SMPDL3A: variants seen among roughly 807,000 people sequenced by gnomAD.
SMPDL3A encodes the protein sphingomyelin phosphodiesterase acid like 3A.
A neutral mutation model predicts 38.5 loss-of-function variants in SMPDL3A; 39 were observed. The ratio of observed to expected loss-of-function variants is 1.01; its 90% confidence interval spans 0.78 to 1.32. SMPDL3A has a LOEUF of 1.32. Among genes scored for constraint, SMPDL3A ranks in the 40% most tolerant of loss-of-function variants. SMPDL3A has a pLI of 0.00. For synonymous variants in SMPDL3A, 180 were observed against 194.3 expected (o/e 0.93, Z 0.61); for missense variants, 502 against 536.2 (o/e 0.94, Z 0.63).
At chr6:122,797,152 T>G (rs1410999727) in intron 3 of SMPDL3A, 184 bp downstream of exon 3, 1 of 458,240 alleles carries the variant, frequency 2.2e-6, no homozygotes, top group African/African-American at 2.0e-5. Flanking sequence ...AGTAATCTTT[T>G]AATACTTCAT....
chr6:122,789,729 T>C (rs1008397362), intron 1 of SMPDL3A: 1 of 726,108 alleles, frequency 1.4e-6, no homozygotes, highest in Middle Eastern at 6.6e-4. Context: ...GTCGGCCGGA[T>C]TTCGCCAGCC....
Position 122,807,091 on chromosome 6 carries a change from G to C in SMPDL3A, c.1044+734G>C, listed in dbSNP as rs907169410. On this transcript the variant is annotated intron_variant, in intron 7 of 7. Coordinates refer to ENST00000368440, the MANE Select transcript of SMPDL3A (RefSeq NM_006714.5). ...ATCCTATTGTAGAGATGGGGGGGGG[G>C]GGTCTCCCTATGTTGCCCAGGCTGG... Among the ~76,000 whole-genome samples, 304 of 145,538 alleles carry C rather than the reference G, an allele frequency of 2.1e-3. 1 individual carries two copies. Among genetic ancestry groups the C allele is most frequent in the African/African-American group, 7.1e-3 (287 of 40,172 alleles).
In SMPDL3A at chr6:122,805,103, G is replaced by A. The variant is rs59657275; in HGVS notation, c.919+14G>A. On this transcript the variant is annotated intron_variant, in intron 6 of 7. Coordinates refer to ENST00000368440, the MANE Select transcript of SMPDL3A (RefSeq NM_006714.5). Reference sequence around the variant, plus strand: ...CAGATAAAAAAGGTAATGTAATGCTGTGTTTGCATCTCCCCAGTCTAAGAG... The same window carrying A: ...CAGATAAAAAAGGTAATGTAATGCTATGTTTGCATCTCCCCAGTCTAAGAG... 939 of 1,583,458 alleles carry A rather than the reference G, an allele frequency of 5.9e-4. 3 individuals carry two copies. The African/African-American group carries it at 0.011, about 19-fold the overall frequency.
chr6:122,789,693 C>A, intron 1 of SMPDL3A: 1 of 433,816 alleles, frequency 2.3e-6, no homozygotes, highest in Non-Finnish European at 3.1e-6. Flanking sequence ...GAAATGCCCT[C>A]GCCGGTGGGG....
At chr6:122,792,638 CTTTT>C (rs368762743) in intron 1 of SMPDL3A, among the ~76,000 whole-genome samples, 1 of 140,786 alleles carries the variant, frequency 7.1e-6, no homozygotes, top group African/African-American at 2.6e-5. Context: ...TCTTCTTCCC[CTTTT>C]TTTTTTTTTT....
In SMPDL3A at chr6:122,801,342, C is replaced by T. The variant is rs751222400; in HGVS notation, c.504C>T (p.Tyr168=). 1 of 1,613,404 alleles carries T rather than the reference C, an allele frequency of 6.2e-7. No homozygotes were observed. The highest frequency in any genetic ancestry group is 1.1e-5 in the South Asian group (1 of 91,066). The part of the protein sequence containing the change: ...DQLPVVTSKV[Y]NAVANLWKPW... The stretch of plus-strand genomic sequence containing the variant: ...TGCCTGTAGTCACCAGTAAAGTGTA[C>T]AATGCAGTAGCAAACCTCTGGAAAC... Residue 168 remains tyrosine, a synonymous_variant, in exon 4 of 8, where the codon TAC becomes TAT. Coordinates refer to ENST00000368440, the MANE Select transcript of SMPDL3A (RefSeq NM_006714.5).
intron 3 of SMPDL3A, among the ~76,000 whole-genome samples, chr6:122,799,368 G>A (rs1283795821): frequency 2.6e-5 from 4 of 152,152 alleles, no homozygotes; most frequent in Non-Finnish European, 5.9e-5. Context: ...AGTAATCATG[G>A]GATTTAGACC....
At chr6:122,792,660 C>G (rs902434927) in intron 1 of SMPDL3A, among the ~76,000 whole-genome samples, 30 of 140,596 alleles carry the variant, frequency 2.1e-4, no homozygotes, top group African/African-American at 7.6e-4. Context: ...TTTTTAGAGA[C>G]AGGGTCTCTG....
At chr6:122,791,421 T>C (rs993415828) in intron 1 of SMPDL3A, among the ~76,000 whole-genome samples, 2 of 152,218 alleles carry the variant, frequency 1.3e-5, no homozygotes, top group Middle Eastern at 3.2e-3. Flanking sequence ...ACTGAAAACC[T>C]AACTTAAGAG....
At position 122,806,213 on chromosome 6, in the gene SMPDL3A, T is replaced by C. The variant is rs1479387382; in HGVS notation, c.920-20T>C. ...ACTCTTATTTAAAAATGTATGTTTA[T>C]GTGCATACGTTTTGTTCAGGAAGTC... On this transcript the variant is annotated intron_variant, in intron 6 of 7. Coordinates refer to ENST00000368440, the MANE Select transcript of SMPDL3A (RefSeq NM_006714.5). 5.0e-6 allele frequency: 8 copies of C among 1,600,188 alleles called. No individual in the cohort carries two copies. The Admixed American group carries it at 1.0e-4, about 20-fold the overall frequency.
chr6:122,805,655 C>T (rs891986503), intron 6 of SMPDL3A, among the ~76,000 whole-genome samples: 5 of 152,216 alleles, frequency 3.3e-5, no homozygotes, highest in South Asian at 2.1e-4. Flanking sequence ...GACGGAGCCT[C>T]GCTCTGTTGC....
intron 2 of SMPDL3A, 146 bp downstream of exon 2, chr6:122,796,036 T>G: frequency 1.5e-6 from 1 of 646,078 alleles, no homozygotes; most frequent in African/African-American, 1.8e-5. Context: ...CTAATCAACA[T>G]TATTAGAGGT....
At position 122,809,125 on chromosome 6, in the gene SMPDL3A, C is replaced by T. The variant is rs1260997856; in HGVS notation, c.1079C>T (p.Ala360Val). ...MLQYYLNLTE[A>V]NLKGESIWKL... is the part of the protein sequence containing the mutation. ...CAGTATTACTTGAATCTGACAGAGGCGAATCTAAAGGGAGAGTCCATCTGG... is the reference window on the plus strand; with the variant it reads ...CAGTATTACTTGAATCTGACAGAGGTGAATCTAAAGGGAGAGTCCATCTGG... The change falls in exon 8 of 8, where the codon GCG becomes GTG. Residue 360 changes from alanine (A) to valine (V), a missense_variant. Coordinates refer to ENST00000368440, the MANE Select transcript of SMPDL3A (RefSeq NM_006714.5). 1.2e-5 allele frequency: 19 copies of T among 1,613,970 alleles called. No homozygotes were observed. The highest frequency in any genetic ancestry group is 4.5e-5 in the East Asian group (2 of 44,878).
intron 1 of SMPDL3A, among the ~76,000 whole-genome samples, chr6:122,791,975 G>A (rs1350072064): frequency 6.6e-6 from 1 of 152,210 alleles, no homozygotes; most frequent in Middle Eastern, 3.2e-3. Flanking sequence ...TTACAGGCAT[G>A]AGCCACCGCG....
At chr6:122,794,336 G>T (rs986143338) in intron 1 of SMPDL3A, among the ~76,000 whole-genome samples, 1 of 151,994 alleles carries the variant, frequency 6.6e-6, no homozygotes, top group Non-Finnish European at 1.5e-5. Context: ...GGTGGCTCAC[G>T]CCTGTAATCC....
chr6:122,789,953 C>A, intron 1 of SMPDL3A: 7 of 862,584 alleles, frequency 8.1e-6, no homozygotes, highest in Non-Finnish European at 9.7e-6. Context: ...CTTGCTCGAC[C>A]GAGATCAGTG....
chr6:122,799,126 A>T (rs1781343758), intron 3 of SMPDL3A, among the ~76,000 whole-genome samples: 3 of 152,196 alleles, frequency 2.0e-5, no homozygotes, highest in Admixed American at 2.0e-4. Context: ...ACATATACAG[A>T]TGCATGTCCC....
chr6:122,795,374 C>T (rs1781210038), intron 1 of SMPDL3A, among the ~76,000 whole-genome samples: 1 of 152,096 alleles, frequency 6.6e-6, no homozygotes, highest in African/African-American at 2.4e-5. Context: ...AACTCCTGAC[C>T]TCAAGGGATC....
intron 6 of SMPDL3A, 50 bp from the exon 7 acceptor site, chr6:122,806,183 G>T: frequency 1.3e-6 from 2 of 1,512,216 alleles, no homozygotes; most frequent in Non-Finnish European, 1.8e-6. Context: ...TTTTAATATA[G>T]TTAAACTCTT....
Sources: gnomAD v4.1 joint callset for allele counts (sites outside exome capture counted in the v4.1 genomes callset) on GRCh38, gnomAD v4.1.1 for gene constraint, MANE v1.5 for transcripts, NCBI Gene and HGNC (gene_info 2026-07-23, HGNC 2026-07-21) for gene names.